ACACB: variants seen among roughly 807,000 people sequenced by gnomAD.
ACACB encodes the protein acetyl-CoA carboxylase beta.
In ACACB, 209 loss-of-function variants were observed where a neutral mutation model predicts 278.8. The observed-to-expected ratio is 0.75, with a 90% CI of 0.67 to 0.84. The LOEUF (loss-of-function observed/expected upper bound fraction) is 0.84, where lower values mean the gene tolerates loss of function less well. ACACB is among the 40% of genes least tolerant of loss of function. ACACB has a pLI of 0.00. For missense variants in ACACB, 2,850 were observed against 3,269.0 expected, an observed-to-expected ratio of 0.87 and a Z score of 3.13; for synonymous variants, 1,174 against 1,285.6, an observed-to-expected ratio of 0.91 and a Z score of 1.86.
chr12:109,245,795 A>G, intron 38 of ACACB, 47 bp downstream of exon 38: 1 of 1,601,152 alleles, frequency 6.2e-7, no homozygotes. Flanking sequence ...CACCCCCTTA[A>G]AAATATTTTT....
At chr12:109,222,978 G>A (rs1014338101) in intron 26 of ACACB, 66 bp downstream of exon 26, 2 of 1,276,836 alleles carry the variant, frequency 1.6e-6, no homozygotes, top group African/African-American at 3.0e-5. Context: ...GGGGCCTCTG[G>A]GGAAACGGCT....
intron 1 of ACACB, among the ~76,000 whole-genome samples, chr12:109,118,412 CTTTTTTTTTTTT>C (rs59488592): frequency 7.7e-6 from 1 of 129,390 alleles, no homozygotes; most frequent in African/African-American, 2.9e-5. Context: ...TGACCTTGTT[CTTTTTTTTTTTT>C]TTTTTTTGAG....
At position 109,210,154 on chromosome 12, in the gene ACACB, C is replaced by CGT. The variant is rs1398842149; in HGVS notation, c.3249+801_3249+802insGT. Among the ~76,000 whole-genome samples, 14 of 57,880 alleles carry CGT rather than the reference C, an allele frequency of 2.4e-4. 1 individual carries two copies. Among genetic ancestry groups the CGT allele is most frequent in the African/African-American group, 4.5e-4 (7 of 15,498 alleles). The allele number at this position is 57,880 out of a possible 152,430, so 38.0% of individuals were successfully genotyped here. A position where few individuals can be genotyped will look rare whatever the true frequency, so the allele number is the denominator to read the frequency against. On this transcript the variant is annotated intron_variant, in intron 21 of 52. Transcript: ENST00000338432. ...ATGTGTGTATATATGTATATATACACACGTGTGTATATGTATATATGTATA... is the reference window on the plus strand; with the variant it reads ...ATGTGTGTATATATGTATATATACACGTACGTGTGTATATGTATATATGTATA...
chr12:109,156,200 A>G (rs2043528445), intron 2 of ACACB, among the ~76,000 whole-genome samples: 1 of 152,078 alleles, frequency 6.6e-6, no homozygotes, highest in African/African-American at 2.4e-5. Flanking sequence ...CAGCCACTGC[A>G]CTCTAGCCTG....
At position 109,266,372 on chromosome 12, in the gene ACACB, G is replaced by C. The variant is rs2075262; in HGVS notation, c.*10G>C. On this transcript the variant is annotated 3_prime_UTR_variant, in exon 53 of 53. Transcript: ENST00000338432. ...CCCGGCCTCCACCTGACCGTGGCCCGCCCAGCCACTCCCGGGACCACGGCA... is the reference window on the plus strand; with the variant it reads ...CCCGGCCTCCACCTGACCGTGGCCCCCCCAGCCACTCCCGGGACCACGGCA... The C allele has an allele frequency of 1.1e-3, 1,725 of 1,589,400 alleles. 4 individuals carry two copies. Among genetic ancestry groups the C allele is most frequent in the Admixed American group, 3.9e-3 (229 of 58,304 alleles).
chr12:109,163,319 A>T (rs2043795402), intron 2 of ACACB, among the ~76,000 whole-genome samples: 1 of 152,234 alleles, frequency 6.6e-6, no homozygotes, highest in African/African-American at 2.4e-5. Flanking sequence ...AGAGAAGTTT[A>T]AAAAGCTCTC....
rs1455730633 is a variant in ACACB at position 109,222,501 on chromosome 12, C to T, written c.3565-6C>T. ...AGCCATTTGGCTTCTTTTTCTGTCC[C>T]CTAAGGATGAGCTGTGTGGCCCAGA... On this transcript the variant is annotated splice_region_variant and splice_polypyrimidine_tract_variant and intron_variant, in intron 24 of 52. Transcript: ENST00000338432. The T allele has an allele frequency of 6.2e-7, 1 of 1,613,712 alleles. No homozygotes were observed. Among genetic ancestry groups the T allele is most frequent in the Non-Finnish European group, 8.5e-7 (1 of 1,179,748 alleles).
intron 24 of ACACB, among the ~76,000 whole-genome samples, chr12:109,219,999 T>C (rs1285153144): frequency 6.6e-6 from 1 of 152,236 alleles, no homozygotes; most frequent in African/African-American, 2.4e-5. Context: ...AAAATATGCC[T>C]GTAATCTATT....
chr12:109,178,250 T>G (rs528291260), intron 9 of ACACB, among the ~76,000 whole-genome samples: 9 of 152,372 alleles, frequency 5.9e-5, no homozygotes, highest in African/African-American at 1.7e-4. Flanking sequence ...TAGAAATCAT[T>G]GCACGTGAAT....
At chr12:109,168,830 C>G (rs530389849) in intron 4 of ACACB, among the ~76,000 whole-genome samples, 1 of 151,624 alleles carries the variant, frequency 6.6e-6, no homozygotes, top group Admixed American at 6.6e-5. Context: ...TCAAATAAAA[C>G]AACATAAACC....
chr12:109,251,396 T>A (rs1304959723), intron 41 of ACACB, among the ~76,000 whole-genome samples: 1 of 152,248 alleles, frequency 6.6e-6, no homozygotes, highest in Non-Finnish European at 1.5e-5. Flanking sequence ...AATGATAAAC[T>A]GCCTTGGAAG....
intron 2 of ACACB, among the ~76,000 whole-genome samples, chr12:109,150,822 C>T (rs1358671994): frequency 6.6e-6 from 1 of 152,130 alleles, no homozygotes; most frequent in Non-Finnish European, 1.5e-5. Context: ...TTTATGCGCC[C>T]CTGAGTGAAA....
In ACACB at chr12:109,193,671, C is replaced by A; in HGVS notation, c.2423C>A (p.Ser808Ter). 1 of 1,613,954 alleles carries A rather than the reference C, an allele frequency of 6.2e-7. No individual in the cohort carries two copies. Among genetic ancestry groups the A allele is most frequent in the Non-Finnish European group, 8.5e-7 (1 of 1,179,814 alleles). The change falls in exon 16 of 53, where the codon TCA becomes TAA. Residue 808 changes from serine (S) to a stop codon, truncating the protein, a stop_gained. Transcript: ENST00000338432. LOFTEE classifies it high-confidence loss of function. ...LERGQVLPAD[S>*]LLNLVDVELI... is the part of the protein sequence containing the mutation. ...AGGGGCCAGGTCCTCCCAGCGGATT[C>A]ACTACTGAACCTCGTAGATGTGGAA...
intron 16 of ACACB, among the ~76,000 whole-genome samples, chr12:109,195,438 C>T (rs1431936863): frequency 6.6e-6 from 1 of 152,116 alleles, no homozygotes; most frequent in Non-Finnish European, 1.5e-5. Flanking sequence ...CTCCTTTGCC[C>T]CTAATGCCTC....
At chr12:109,220,272 T>C (rs1363820950) in intron 24 of ACACB, among the ~76,000 whole-genome samples, 3 of 152,262 alleles carry the variant, frequency 2.0e-5, no homozygotes, top group African/African-American at 7.2e-5. Context: ...TCTGACTTTC[T>C]TGGTCCCATT....
chr12:109,137,645 G>T (rs1247518315), intron 1 of ACACB, among the ~76,000 whole-genome samples: 6 of 150,758 alleles, frequency 4.0e-5, no homozygotes, highest in Non-Finnish European at 8.8e-5. Context: ...GGGCGACAGG[G>T]TCAGATTCTG....
chr12:109,213,014 G>A, intron 22 of ACACB, 78 bp downstream of exon 22: 2 of 1,292,788 alleles, frequency 1.5e-6, no homozygotes, highest in Non-Finnish European at 1.1e-6. Flanking sequence ...GTGCTCTGGG[G>A]CTGTCTTCAG....
Position 109,177,241 on chromosome 12 carries a change from T to G in ACACB, c.1437+978T>G, listed in dbSNP as rs1457975839. ...AATATTTTATGTGTGGCAATAGCCT[T>G]ATTTATGAAACCTTTCCTTTTTTGT... On this transcript the variant is annotated intron_variant, in intron 9 of 52. Coordinates refer to ENST00000338432, the MANE Select transcript of ACACB (RefSeq NM_001093.4). Among the ~76,000 whole-genome samples, 3 of 152,276 alleles carry G rather than the reference T, an allele frequency of 2.0e-5. No homozygotes were observed. In the East Asian group the frequency reaches 5.8e-4, roughly 29 times the overall value.
chr12:109,166,751 G>A, intron 2 of ACACB, 110 bp from the exon 3 acceptor site: 2 of 1,391,444 alleles, frequency 1.4e-6, no homozygotes, highest in Non-Finnish European at 2.0e-6. Context: ...GCAAAGCAGG[G>A]GGGCTCTGGT....
Sources: gnomAD v4.1 joint callset for allele counts (sites outside exome capture counted in the v4.1 genomes callset) on GRCh38, gnomAD v4.1.1 for gene constraint, MANE v1.5 for transcripts, NCBI Gene and HGNC (gene_info 2026-07-23, HGNC 2026-07-21) for gene names.